Variants in DCT observed in about 807,000 individuals in gnomAD.
The protein encoded by DCT is dopachrome tautomerase.
DCT carries 47 observed loss-of-function variants against 53.0 expected under a neutral mutation model. The observed-to-expected ratio is 0.89, with a 90% CI of 0.70 to 1.13. DCT has a LOEUF of 1.13. Ranked by LOEUF, DCT falls within the 50% of genes most tolerant of loss-of-function variation. DCT has a pLI of 0.00. For missense variants in DCT, 669 were observed against 637.4 expected (o/e 1.05, Z -0.53); for synonymous variants, 244 against 237.0 (o/e 1.03, Z -0.27).
chr13:94,509,862 G>A, the DCT span, among the ~76,000 whole-genome samples: 1 of 152,088 alleles, frequency 6.6e-6, no homozygotes, highest in Admixed American at 6.5e-5. Flanking sequence ...AAGCTCCACT[G>A]GGTCAGGAAT....
At chr13:94,502,960 G>A in the DCT span, among the ~76,000 whole-genome samples, 1 of 152,180 alleles carries the variant, frequency 6.6e-6, no homozygotes. Context: ...CTAGTAAAGA[G>A]GTGGGTTATA....
intron 6 of DCT, among the ~76,000 whole-genome samples, chr13:94,456,620 G>A (rs568942936): frequency 2.8e-4 from 42 of 152,100 alleles, no homozygotes; most frequent in African/African-American, 8.0e-4. Context: ...TGTACTTGAC[G>A]GGCTCTAGAC....
the DCT span, among the ~76,000 whole-genome samples, chr13:94,497,237 C>T: frequency 6.6e-6 from 1 of 152,214 alleles, no homozygotes; most frequent in Non-Finnish European, 1.5e-5. Flanking sequence ...GGAGGGAGTT[C>T]TGCCAGCAGA....
the DCT span, among the ~76,000 whole-genome samples, chr13:94,515,901 TAGA>T: frequency 2.0e-5 from 3 of 152,132 alleles, no homozygotes; most frequent in African/African-American, 4.8e-5. Flanking sequence ...AGCTCTGAAC[TAGA>T]AGGACAGATT....
chr13:94,471,601 T>G (rs1201514482), intron 1 of DCT, among the ~76,000 whole-genome samples: 1 of 152,316 alleles, frequency 6.6e-6, no homozygotes, highest in African/African-American at 2.4e-5. Flanking sequence ...TGGGGCAACC[T>G]TACTAAAACT....
chr13:94,448,891 G>A (rs1882900653), intron 6 of DCT, among the ~76,000 whole-genome samples: 1 of 151,306 alleles, frequency 6.6e-6, no homozygotes, highest in Non-Finnish European at 1.5e-5. Flanking sequence ...ACCACAGAGT[G>A]AGACTCCATC....
At chr13:94,496,614 G>A in the DCT span, among the ~76,000 whole-genome samples, 1 of 152,172 alleles carries the variant, frequency 6.6e-6, no homozygotes, top group Admixed American at 6.5e-5. Context: ...ATTTGGATAT[G>A]CTAAGGCACA....
the DCT span, among the ~76,000 whole-genome samples, chr13:94,542,433 C>T: frequency 3.3e-5 from 5 of 152,112 alleles, no homozygotes; most frequent in African/African-American, 4.8e-5. Context: ...TCAAGTGATC[C>T]GCCCGCCTCG....
chr13:94,525,395 C>T, the DCT span, among the ~76,000 whole-genome samples: 3 of 152,146 alleles, frequency 2.0e-5, no homozygotes, highest in Admixed American at 6.5e-5. Flanking sequence ...AGGCACCATG[C>T]GTGGCCAAGG....
intron 6 of DCT, among the ~76,000 whole-genome samples, chr13:94,448,039 G>A (rs2139290187): frequency 6.6e-6 from 1 of 152,252 alleles, no homozygotes; most frequent in South Asian, 2.1e-4. Context: ...CATGAGCCCA[G>A]GAGTTCGAGA....
intron 6 of DCT, among the ~76,000 whole-genome samples, chr13:94,457,876 G>A (rs1419669809): frequency 6.6e-6 from 1 of 152,156 alleles, no homozygotes; most frequent in Non-Finnish European, 1.5e-5. Context: ...CCTGTACTTA[G>A]AAAAGCAGCC....
chr13:94,452,751 T>C (rs981890921), intron 6 of DCT: 13 of 573,706 alleles, frequency 2.3e-5, no homozygotes, highest in South Asian at 9.6e-5. Context: ...AAAAGAATAC[T>C]ATACAGCTAT....
At chr13:94,463,243 C>T (rs112457279) in intron 4 of DCT, among the ~76,000 whole-genome samples, 1 of 151,668 alleles carries the variant, frequency 6.6e-6, no homozygotes, top group Non-Finnish European at 1.5e-5. Context: ...CTCAAGCAAT[C>T]CTCCTGCCTC....
chr13:94,538,996 C>T, the DCT span, among the ~76,000 whole-genome samples: 1 of 152,168 alleles, frequency 6.6e-6, no homozygotes, highest in Non-Finnish European at 1.5e-5. Flanking sequence ...CCAGGTCACA[C>T]AACATCTTTC....
chr13:94,489,657 A>G, the DCT span, among the ~76,000 whole-genome samples: 1 of 152,174 alleles, frequency 6.6e-6, no homozygotes, highest in African/African-American at 2.4e-5. Flanking sequence ...TCAGTAGCCC[A>G]TATGACCTCT....
chr13:94,536,764 G>A, the DCT span, among the ~76,000 whole-genome samples: 1,567 of 152,244 alleles, frequency 0.01, 29 homozygotes, highest in African/African-American at 0.036. Context: ...CCAACATGGT[G>A]AAACCCCTTC....
chr13:94,506,950 T>G, the DCT span, among the ~76,000 whole-genome samples: 1 of 152,206 alleles, frequency 6.6e-6, no homozygotes, highest in African/African-American at 2.4e-5. Flanking sequence ...CATTGAGAGT[T>G]TTTACTATTA....
intron 7 of DCT, among the ~76,000 whole-genome samples, chr13:94,440,880 C>T (rs1356289847): frequency 6.6e-6 from 1 of 151,938 alleles, no homozygotes; most frequent in Non-Finnish European, 1.5e-5. Context: ...AGGGTTTCGC[C>T]ATGTTGGCCA....
At chr13:94,517,254 G>A in the DCT span, among the ~76,000 whole-genome samples, 1 of 152,132 alleles carries the variant, frequency 6.6e-6, no homozygotes, top group African/African-American at 2.4e-5. Context: ...TCCAAAGACT[G>A]ACAATTAACC....
Sources: allele counts gnomAD v4.1 joint callset (sites outside exome capture counted in the v4.1 genomes callset), GRCh38; gene constraint gnomAD v4.1.1; transcripts MANE v1.5; gene names NCBI Gene and HGNC (gene_info 2026-07-23, HGNC 2026-07-21).